The following UQCC2 variants were observed in gnomAD, a reference collection of about 807,000 sequenced individuals.
UQCC2 encodes breast cancer-associated protein SGA-81M.
In UQCC2, 21 loss-of-function variants were observed where a neutral mutation model predicts 19.9. The ratio of observed to expected loss-of-function variants is 1.05; its 90% CI spans 0.75 to 1.52. The LOEUF (loss-of-function observed/expected upper bound fraction) is 1.52. UQCC2 is among the 40% of genes most tolerant of loss of function. The pLI, the probability that UQCC2 is intolerant of heterozygous loss-of-function variation, is 0.00. For synonymous variants in UQCC2, 57 were observed against 60.9 expected (o/e 0.94, Z 0.30); for missense variants, 135 against 157.5 (o/e 0.86, Z 0.76).
At chr6:33,697,962 G>A (rs1185585661) in intron 3 of UQCC2, 2 of 565,238 alleles carry the variant, frequency 3.5e-6, no homozygotes, top group Non-Finnish European at 6.3e-6. Flanking sequence ...CAGACTCTGT[G>A]CCCAGCACGC....
intron 2 of UQCC2, among the ~76,000 whole-genome samples, chr6:33,701,105 A>G (rs1457545729): frequency 6.6e-6 from 1 of 152,226 alleles, no homozygotes; most frequent in African/African-American, 2.4e-5. Flanking sequence ...CATATCAAAT[A>G]CATGGCTTCT....
In UQCC2 at chr6:33,697,355, G is replaced by A. The variant is rs566573650; in HGVS notation, c.*298C>T. 2.7e-3 allele frequency: 791 copies of A among 292,432 alleles called. 3 individuals carry two copies. Among genetic ancestry groups the A allele is most frequent in the African/African-American group, 0.015 (676 of 46,244 alleles). The allele number at this position is 292,432 out of a possible 1,614,324, so 18.1% of individuals were successfully genotyped here. A position where few individuals can be genotyped will look rare whatever the true frequency, so the allele number is the denominator to read the frequency against. On this transcript the variant is annotated 3_prime_UTR_variant, in exon 4 of 4. Coordinates refer to ENST00000607484, the MANE Select transcript of UQCC2 (RefSeq NM_032340.4). Reference sequence around the variant, plus strand: ...CCGTGCCAGAGGGGCGGGGGCTCCCGTGGCAATGCAGGAAGCACCTTGTGC... The same window carrying A: ...CCGTGCCAGAGGGGCGGGGGCTCCCATGGCAATGCAGGAAGCACCTTGTGC...
At chr6:33,711,040 C>A (rs765330203) in intron 1 of UQCC2, among the ~76,000 whole-genome samples, 8 of 152,196 alleles carry the variant, frequency 5.3e-5, no homozygotes, top group African/African-American at 9.7e-5. Context: ...GCTACCGTGA[C>A]AAGGAAGCAA....
chr6:33,700,327 G>C, intron 3 of UQCC2, 117 bp downstream of exon 3: 9 of 1,119,152 alleles, frequency 8.0e-6, no homozygotes, highest in Non-Finnish European at 1.1e-5. Context: ...ATTTCCTCTG[G>C]GCTGTTCTAC....
At chr6:33,700,716 C>G (rs997725618) in intron 2 of UQCC2, among the ~76,000 whole-genome samples, 1 of 152,208 alleles carries the variant, frequency 6.6e-6, no homozygotes, top group Non-Finnish European at 1.5e-5. Context: ...TATAATGTAC[C>G]CGTGAGTCCT....
At chr6:33,706,671 G>A (rs1211963033) in intron 1 of UQCC2, among the ~76,000 whole-genome samples, 3 of 151,530 alleles carry the variant, frequency 2.0e-5, no homozygotes, top group East Asian at 3.9e-4. Context: ...AAATGACTGG[G>A]AGGATGAGGC....
chr6:33,706,059 C>T (rs1319527964), intron 1 of UQCC2, among the ~76,000 whole-genome samples: 1 of 152,186 alleles, frequency 6.6e-6, no homozygotes, highest in Non-Finnish European at 1.5e-5. Flanking sequence ...TTTATACATA[C>T]AAATCTACAT....
rs1010371187 is a variant in UQCC2, at chr6:33,708,272, A to G, written c.138+3277T>C. On this transcript the variant is annotated intron_variant, in intron 1 of 3. Transcript: ENST00000607484. ...CATGGAATAAGAGGTTGTTCTAACA[A>G]TAACTTGGAACAGCAGCTGAGGAAA... is the stretch of plus-strand genomic sequence containing the variant. 2.6e-5 allele frequency among the ~76,000 whole-genome samples: 4 copies of G among 152,368 alleles called. No homozygotes were observed. The East Asian group carries it at 5.8e-4, about 22-fold the overall frequency.
At chr6:33,698,090 A>G (rs1047220099) in intron 3 of UQCC2, 2 of 217,416 alleles carry the variant, frequency 9.2e-6, no homozygotes, top group African/African-American at 4.6e-5. Context: ...TGCAACCCAC[A>G]GACCCAGATG....
chr6:33,698,979 G>A (rs1454193884), intron 3 of UQCC2, among the ~76,000 whole-genome samples: 3 of 152,072 alleles, frequency 2.0e-5, no homozygotes, highest in Admixed American at 2.0e-4. Context: ...TATCTTTTCT[G>A]ACCAAAAAAG....
At chr6:33,700,016 C>G (rs541906953) in intron 3 of UQCC2, among the ~76,000 whole-genome samples, 7 of 152,194 alleles carry the variant, frequency 4.6e-5, no homozygotes, top group Non-Finnish European at 1.0e-4. Flanking sequence ...ATCTAACCCA[C>G]AGACCACGTC....
intron 1 of UQCC2, among the ~76,000 whole-genome samples, chr6:33,705,534 A>G (rs1396366217): frequency 6.6e-6 from 1 of 152,168 alleles, no homozygotes; most frequent in Non-Finnish European, 1.5e-5. Flanking sequence ...AGTTTGAGAC[A>G]TGCCCATTTC....
chr6:33,700,606 C>G, intron 2 of UQCC2, 93 bp from the exon 3 acceptor site: 1 of 1,373,632 alleles, frequency 7.3e-7, no homozygotes, highest in Non-Finnish European at 1.0e-6. Flanking sequence ...CCCTGGGCAA[C>G]CAGAGGCCAG....
chr6:33,702,060 G>A (rs1293948559), intron 1 of UQCC2, among the ~76,000 whole-genome samples: 1 of 152,124 alleles, frequency 6.6e-6, no homozygotes, highest in East Asian at 1.9e-4. Context: ...AGGCTGGAGT[G>A]CAGTGGCGCA....
At chr6:33,709,826 TC>T (rs1765745041) in intron 1 of UQCC2, among the ~76,000 whole-genome samples, 1 of 152,126 alleles carries the variant, frequency 6.6e-6, no homozygotes, top group Non-Finnish European at 1.5e-5. Flanking sequence ...ACAAGTCATT[TC>T]TTCAGACTGT....
rs1765745127 is a variant in UQCC2 at position 33,709,836 on chromosome 6, G to A, written c.138+1713C>T. On this transcript the variant is annotated intron_variant, in intron 1 of 3. Transcript: ENST00000607484. ...GTTTCACAAGTCATTTCTTCAGACT[G>A]TGTGTATATGCATCTCATTATCTCA... is the stretch of plus-strand genomic sequence containing the variant. Among the ~76,000 whole-genome samples, 7 of 151,758 alleles carry A rather than the reference G, an allele frequency of 4.6e-5. No individual in the cohort carries two copies. The South Asian group carries it at 1.5e-3, about 31-fold the overall frequency.
intron 1 of UQCC2, among the ~76,000 whole-genome samples, chr6:33,702,087 A>G (rs1582180426): frequency 6.6e-6 from 1 of 151,964 alleles, no homozygotes; most frequent in Non-Finnish European, 1.5e-5. Flanking sequence ...GCTCACTGCA[A>G]CCTCCGCCTC....
intron 1 of UQCC2, among the ~76,000 whole-genome samples, chr6:33,704,690 C>T (rs764018045): frequency 2.6e-4 from 39 of 152,290 alleles, no homozygotes; most frequent in Admixed American, 8.5e-4. Flanking sequence ...CTCCCATAGC[C>T]TCTGCCTCTC....
chr6:33,698,671 G>A (rs539449688), intron 3 of UQCC2: 4 of 152,254 alleles, frequency 2.6e-5, no homozygotes, highest in African/African-American at 7.2e-5. Context: ...GTCGTGGGCT[G>A]GCCTGTGCAT....
Sources: gnomAD v4.1 joint callset for allele counts (sites outside exome capture counted in the v4.1 genomes callset) on GRCh38, gnomAD v4.1.1 for gene constraint, MANE v1.5 for transcripts, NCBI Gene and HGNC (gene_info 2026-07-23, HGNC 2026-07-21) for gene names.